The following CCDC33 variants were observed in gnomAD, a reference collection of about 807,000 sequenced individuals.
CCDC33 encodes the protein coiled-coil domain-containing protein 33.
A neutral mutation model predicts 91.9 loss-of-function variants in CCDC33; 94 were observed. The ratio of observed to expected loss-of-function variants is 1.02; its 90% CI spans 0.87 to 1.21. CCDC33 has a LOEUF of 1.21. Among genes scored for constraint, CCDC33 ranks in the 50% most tolerant of loss-of-function variants. The pLI, the probability that CCDC33 is intolerant of heterozygous loss-of-function variation, is 0.00. For synonymous variants in CCDC33, 396 were observed against 374.5 expected (o/e 1.06, Z -0.66); for missense variants, 940 against 935.5 (o/e 1.00, Z -0.06).
At chr15:74,291,427 T>C (rs2059582806) in intron 10 of CCDC33, among the ~76,000 whole-genome samples, 1 of 152,256 alleles carries the variant, frequency 6.6e-6, no homozygotes, top group Admixed American at 6.5e-5. Flanking sequence ...AGCAGATTTC[T>C]TGGGACTCAC....
intron 1 of CCDC33, chr15:74,207,654 A>G: frequency 6.6e-7 from 1 of 1,513,268 alleles, no homozygotes; most frequent in Non-Finnish European, 8.9e-7. Context: ...GAGAACACGC[A>G]AGAGAGGCGT....
rs114102228 is a variant in CCDC33, at chr15:74,271,969, A to G, written c.638+175A>G. On this transcript the variant is annotated intron_variant, in intron 6 of 18. Transcript: ENST00000398814. ...GGTCCCAGTAAGCTTCCTGCAGCAG[A>G]CCATGCCTTTCTTTCCCCAGGGAGA... Among the ~76,000 whole-genome samples, 272 of 152,240 alleles carry G rather than the reference A, an allele frequency of 1.8e-3. 1 individual carries two copies. The highest frequency in any genetic ancestry group is 6.1e-3 in the African/African-American group (254 of 41,542).
At chr15:74,319,361 T>A (rs2060160560) in intron 11 of CCDC33, among the ~76,000 whole-genome samples, 1 of 152,100 alleles carries the variant, frequency 6.6e-6, no homozygotes, top group Non-Finnish European at 1.5e-5. Flanking sequence ...CCCCACCCAA[T>A]GTGGGGCATT....
intron 2 of CCDC33, among the ~76,000 whole-genome samples, chr15:74,220,885 C>T (rs1053422901): frequency 6.6e-6 from 1 of 152,186 alleles, no homozygotes; most frequent in Non-Finnish European, 1.5e-5. Context: ...CTCCAGATAA[C>T]TTGCTCTAGC....
chr15:74,274,067 T>C (rs866320723), intron 7 of CCDC33, among the ~76,000 whole-genome samples: 5 of 152,294 alleles, frequency 3.3e-5, no homozygotes, highest in Middle Eastern at 6.8e-3. Context: ...CCTGACCTTG[T>C]GACCTGTCCA....
rs987509777 is a variant in CCDC33 at position 74,251,986 on chromosome 15, T to A, written c.185+7838T>A. On this transcript the variant is annotated intron_variant, in intron 2 of 18. Transcript: ENST00000398814. ...GCCACCCAGTCCTATAATTGAGGTA[T>A]AATATTATCATTAAACCTCATTTTA... Among the ~76,000 whole-genome samples, 4 of 152,282 alleles carry A rather than the reference T, an allele frequency of 2.6e-5. No homozygotes were observed. In the East Asian group the frequency reaches 5.8e-4, roughly 22 times the overall value.
At chr15:74,215,871 C>CG (rs2074429669), upstream of CCDC33, among the ~76,000 whole-genome samples, 1 of 88,936 alleles carries the variant, frequency 1.1e-5, no homozygotes, top group Admixed American at 1.2e-4. Flanking sequence ...AACTCGATCT[C>CG]ACCAAAAAAA....
intron 11 of CCDC33, among the ~76,000 whole-genome samples, chr15:74,313,989 C>T (rs1030739958): frequency 6.6e-6 from 1 of 152,182 alleles, no homozygotes; most frequent in African/African-American, 2.4e-5. Context: ...GTCTGCACTC[C>T]CACGGTGTTC....
chr15:74,234,895 G>A (rs2075098520), upstream of CCDC33, among the ~76,000 whole-genome samples: 1 of 152,244 alleles, frequency 6.6e-6, no homozygotes, highest in Non-Finnish European at 1.5e-5. Flanking sequence ...ATTAAAGTTT[G>A]CTTCCTAGGC....
Position 74,323,117 on chromosome 15 carries a change from G to C in CCDC33, c.1291-7072G>C, listed in dbSNP as rs114777337. 7.0e-3 allele frequency among the ~76,000 whole-genome samples: 1,066 copies of C among 152,062 alleles called. 13 individuals are homozygous for C. Among genetic ancestry groups the C allele is most frequent in the African/African-American group, 0.025 (1,026 of 41,460 alleles). The stretch of plus-strand genomic sequence containing the variant: ...CACCACTATGCCTCTCCTTGACCCT[G>C]TTTTCCTAGCTACCTTTGACCCTTC... On this transcript the variant is annotated intron_variant, in intron 11 of 18. Coordinates refer to ENST00000398814, the MANE Select transcript of CCDC33 (RefSeq NM_025055.5).
intron 16 of CCDC33, chr15:74,333,268 A>G (rs1310613593): frequency 6.2e-7 from 1 of 1,603,254 alleles, no homozygotes; most frequent in Non-Finnish European, 8.5e-7. Context: ...CAGAGAGGCT[A>G]CAAGAGACGC....
chr15:74,265,400 C>G (rs1002610809), intron 3 of CCDC33, among the ~76,000 whole-genome samples: 2 of 152,174 alleles, frequency 1.3e-5, no homozygotes, highest in Non-Finnish European at 2.9e-5. Context: ...CTATCCTTCT[C>G]CTCCTTTTCT....
chr15:74,223,882 G>A (rs2074699856), intron 2 of CCDC33, among the ~76,000 whole-genome samples: 1 of 149,794 alleles, frequency 6.7e-6, no homozygotes, highest in South Asian at 2.1e-4. Flanking sequence ...CCTTTTCCTT[G>A]AGTAAACACG....
upstream of CCDC33, among the ~76,000 whole-genome samples, chr15:74,215,440 T>C (rs1224308275): frequency 1.3e-5 from 2 of 152,180 alleles, no homozygotes; most frequent in African/African-American, 4.8e-5. Context: ...AAAAGAGTTC[T>C]GGAGATTGGT....
chr15:74,207,262 C>T (rs1434455560), intron 1 of CCDC33, among the ~76,000 whole-genome samples: 1 of 152,148 alleles, frequency 6.6e-6, no homozygotes, highest in Admixed American at 6.5e-5. Flanking sequence ...AGCAGCATCC[C>T]CAGAACCTCA....
chr15:74,268,386 G>A lies in CCDC33; in HGVS notation c.474G>A (p.Gln158=), dbSNP rs374361171. Residue 158 remains glutamine (Q), a synonymous_variant, in exon 5 of 19, where the codon CAG becomes CAA. Coordinates refer to ENST00000398814, the MANE Select transcript of CCDC33 (RefSeq NM_025055.5). ...GKADEATAKT[Q]LYATVVRKSS... ...CCGATGAAGCCACTGCCAAGACCCAGTTGTACGCAACAGTCGTTCGGAAGA... is the reference window on the plus strand; with the variant it reads ...CCGATGAAGCCACTGCCAAGACCCAATTGTACGCAACAGTCGTTCGGAAGA... The A allele has an allele frequency of 2.6e-5, 42 of 1,602,336 alleles. No individual in the cohort carries two copies. The highest frequency in any genetic ancestry group is 1.5e-4 in the Admixed American group (9 of 59,166).
At chr15:74,255,354 G>C (rs1483370096) in intron 2 of CCDC33, among the ~76,000 whole-genome samples, 2 of 152,268 alleles carry the variant, frequency 1.3e-5, no homozygotes, top group Non-Finnish European at 2.9e-5. Context: ...TGGTGAGCCT[G>C]AACACAAAGC....
chr15:74,332,642 G>A (rs372522205), intron 15 of CCDC33, 37 bp from the exon 16 acceptor site: 3 of 1,605,758 alleles, frequency 1.9e-6, no homozygotes, highest in Admixed American at 1.7e-5. Flanking sequence ...GGAAGCAGGA[G>A]AGCCCATCTC....
In CCDC33 at chr15:74,331,116, G is replaced by A. The variant is rs376802246; in HGVS notation, c.1677+4G>A. On this transcript the variant is annotated splice_donor_region_variant and intron_variant, in intron 14 of 18. Coordinates refer to ENST00000398814, the MANE Select transcript of CCDC33 (RefSeq NM_025055.5). The stretch of plus-strand genomic sequence containing the variant: ...GACTGTGCGGCACCAAGAGAAGGCA[G>A]GTGGCAGAGGGGCTGCCCCCGAGGC... 7 of 1,613,136 alleles carry A rather than the reference G, an allele frequency of 4.3e-6. No individual in the cohort carries two copies. Among genetic ancestry groups the A allele is most frequent in the East Asian group, 2.2e-5 (1 of 44,888 alleles).
Sources: allele counts gnomAD v4.1 joint callset (sites outside exome capture counted in the v4.1 genomes callset), GRCh38; gene constraint gnomAD v4.1.1; transcripts MANE v1.5; gene names NCBI Gene and HGNC (gene_info 2026-07-23, HGNC 2026-07-21).